CACNA1A: variants seen among roughly 807,000 people sequenced by gnomAD.
CACNA1A encodes voltage-dependent P/Q-type calcium channel subunit alpha-1A.
In CACNA1A, 57 loss-of-function variants were observed where a neutral mutation model predicts 262.4. That is an observed-to-expected ratio of 0.22 (90% CI 0.18 to 0.27). CACNA1A has a LOEUF of 0.27. Ranked by LOEUF, CACNA1A falls within the 10% of genes least tolerant of loss-of-function variation. The pLI, the probability that CACNA1A is intolerant of heterozygous loss-of-function variation, is 1.00. For missense variants in CACNA1A, 2,526 were observed against 3,562.8 expected, an observed-to-expected ratio of 0.71 and a Z score of 7.41; for synonymous variants, 1,431 against 1,419.3, an observed-to-expected ratio of 1.01 and a Z score of -0.18.
intron 6 of CACNA1A, among the ~76,000 whole-genome samples, chr19:13,337,990 C>T (rs988333154): frequency 5.3e-5 from 8 of 152,112 alleles, no homozygotes; most frequent in East Asian, 1.9e-4. Context: ...GAGGCCGAGG[C>T]GGGCAGATCA....
At chr19:13,252,231 T>TA (rs1348580900) in intron 30 of CACNA1A, among the ~76,000 whole-genome samples, 15 of 151,250 alleles carry the variant, frequency 9.9e-5, no homozygotes, top group African/African-American at 3.2e-4. Flanking sequence ...CCTGGCTAAT[T>TA]AAAAAAAAAT....
At chr19:13,442,126 G>A (rs1454745004) in intron 3 of CACNA1A, among the ~76,000 whole-genome samples, 3 of 152,142 alleles carry the variant, frequency 2.0e-5, no homozygotes, top group African/African-American at 4.8e-5. Context: ...TTGAGTTAGC[G>A]CCGAGTAGAC....
rs753174126 is a variant in CACNA1A, at chr19:13,207,313, T to G, written c.7521A>C (p.Ter2507TyrextTer102). The G allele has an allele frequency of 6.4e-7, 1 of 1,556,142 alleles. No homozygotes were observed. Among genetic ancestry groups the G allele is most frequent in the Non-Finnish European group, 8.6e-7 (1 of 1,158,448 alleles). The change falls in exon 47 of 47, where the codon TAA becomes TAC. Residue 2507 changes from the stop codon to tyrosine (Y), a stop_lost. Transcript: ENST00000360228. This position sits in a 1 kb window ranked among gnomAD's most constrained non-coding sequence, Gnocchi z 5.7. ...CGGGCGGGCGCCACCTCGCCCGGGCTTAGCACCAATCATCGTCACTCTCGC... is the reference window on the plus strand; with the variant it reads ...CGGGCGGGCGCCACCTCGCCCGGGCGTAGCACCAATCATCGTCACTCTCGC... ...PYSESDDDWC* is the reference protein window; with the variant it reads ...PYSESDDDWCY
At chr19:13,230,783 G>C (rs117510907) in intron 35 of CACNA1A, among the ~76,000 whole-genome samples, 3,436 of 151,388 alleles carry the variant, frequency 0.023, 49 homozygotes, top group African/African-American at 0.043. Context: ...CTTTAGCCTG[G>C]GCAACAGAGT....
chr19:13,308,155 G>A lies in CACNA1A; in HGVS notation c.1878C>T (p.Val626=). The A allele has an allele frequency of 6.2e-7, 1 of 1,614,014 alleles. No homozygotes were observed. Among genetic ancestry groups the A allele is most frequent in the Non-Finnish European group, 8.5e-7 (1 of 1,179,896 alleles). The change falls in exon 14 of 47, where the codon GTC becomes GTT. Residue 626 remains valine, a synonymous_variant. Coordinates refer to ENST00000360228, the MANE Select transcript of CACNA1A (RefSeq NM_001127222.2). The surrounding 1 kb of genome is among the most constrained non-coding windows in gnomAD (Gnocchi z 4.2). ...AGAGTTGCATTCCCAAAAGGGCGAA[G>A]ACGACAATGAACAGGAAAAGGAGAA... The part of the protein sequence containing the change: ...LLFLLFLFIV[V]FALLGMQLFG...
intron 3 of CACNA1A, among the ~76,000 whole-genome samples, chr19:13,405,873 G>A (rs148039728): frequency 3.2e-4 from 48 of 152,280 alleles, no homozygotes; most frequent in Middle Eastern, 3.4e-3. Flanking sequence ...AGTTATAGAG[G>A]GACTTGCTGA....
rs906669300 is a variant in CACNA1A at position 13,303,848 on chromosome 19, C to A, written c.2023G>T (p.Asp675Tyr). Residue 675 changes from aspartate (D) to tyrosine (Y), a missense_variant, in exon 16 of 47, where the codon GAC becomes TAC. This residue lies in a region of CACNA1A where 102 missense variants were observed against 278.9 expected (regional missense o/e 0.37). Transcript: ENST00000360228. ...ACGCCCCCCTGAGACTTGATCCCGTCGTACATGACCTCGTTCCAGTCTTCG... is the reference window on the plus strand; with the variant it reads ...ACGCCCCCCTGAGACTTGATCCCGTAGTACATGACCTCGTTCCAGTCTTCG... The part of the protein sequence containing the change: ...TGEDWNEVMY[D>Y]GIKSQGGVQG... The A allele has an allele frequency of 6.2e-7, 1 of 1,613,642 alleles. No individual in the cohort carries two copies.
chr19:13,219,869 G>C (rs2055156809), intron 38 of CACNA1A, among the ~76,000 whole-genome samples: 1 of 150,912 alleles, frequency 6.6e-6, no homozygotes, highest in South Asian at 2.1e-4. Flanking sequence ...AGAATCACTT[G>C]AACCCGGGAG....
At chr19:13,342,870 G>A (rs2058698897) in intron 6 of CACNA1A, among the ~76,000 whole-genome samples, 1 of 152,180 alleles carries the variant, frequency 6.6e-6, no homozygotes, top group South Asian at 2.1e-4. Flanking sequence ...AGGCTTTGGG[G>A]ATGTTTGTTA....
intron 6 of CACNA1A, among the ~76,000 whole-genome samples, chr19:13,348,257 G>C (rs1006567583): frequency 1.3e-5 from 2 of 152,156 alleles, no homozygotes; most frequent in Admixed American, 1.3e-4. Context: ...ATTAAACGCA[G>C]TTTTTCTGCT....
At chr19:13,275,675 A>G (rs915570909) in intron 24 of CACNA1A, 175 bp downstream of exon 24, 14 of 633,784 alleles carry the variant, frequency 2.2e-5, no homozygotes, top group African/African-American at 2.0e-4. Flanking sequence ...TCCTCCATGG[A>G]CATCATGCAA....
chr19:13,323,925 G>T (rs1720837098), intron 10 of CACNA1A, among the ~76,000 whole-genome samples: 1 of 152,040 alleles, frequency 6.6e-6, no homozygotes, highest in Admixed American at 6.6e-5. Context: ...AGTCTTTTCA[G>T]AACATCTGCA....
chr19:13,469,758 T>C (rs187366847), intron 1 of CACNA1A, among the ~76,000 whole-genome samples: 268 of 151,676 alleles, frequency 1.8e-3, no homozygotes, highest in African/African-American at 6.2e-3. Context: ...CGCGCCCGGC[T>C]GAACCACCTC....
intron 31 of CACNA1A, chr19:13,243,984 T>G (rs1052201908): frequency 1.3e-5 from 2 of 152,536 alleles, no homozygotes; most frequent in African/African-American, 2.4e-5. Flanking sequence ...TCCGGTTTAC[T>G]TTGGGCCATG....
intron 1 of CACNA1A, among the ~76,000 whole-genome samples, chr19:13,483,687 A>C (rs1418726546): frequency 1.3e-5 from 2 of 152,210 alleles, no homozygotes; most frequent in Non-Finnish European, 2.9e-5. Flanking sequence ...CAAAAAGTAG[A>C]GCCAAGAAAC....
intron 6 of CACNA1A, among the ~76,000 whole-genome samples, chr19:13,345,072 A>G (rs1315500637): frequency 6.6e-6 from 1 of 152,098 alleles, no homozygotes; most frequent in Non-Finnish European, 1.5e-5. Flanking sequence ...TGGATCATTT[A>G]AATAATAAAC....
chr19:13,208,788 T>C lies in CACNA1A; in HGVS notation c.6748A>G (p.Ser2250Gly). ...TGCGCCATGTGCTCTCGGCCCTCGCTGGGCGAGCGGGACCAGCGCTGGTCC... is the reference window on the plus strand; with the variant it reads ...TGCGCCATGTGCTCTCGGCCCTCGCCGGGCGAGCGGGACCAGCGCTGGTCC... The part of the protein sequence containing the change: ...ARDQRWSRSP[S>G]EGREHMAHRQ... Residue 2250 changes from serine to glycine, a missense_variant, in exon 46 of 47, where the codon AGC (serine) becomes GGC (glycine). This residue lies in a region of CACNA1A where 929 missense variants were observed against 868.1 expected (regional missense o/e 1.07). Transcript: ENST00000360228. 1 of 1,419,096 alleles carries C rather than the reference T, an allele frequency of 7.0e-7. No homozygotes were observed. Among genetic ancestry groups the C allele is most frequent in the Non-Finnish European group, 9.3e-7 (1 of 1,075,114 alleles). The allele number at this position is 1,419,096 out of a possible 1,614,324, so 87.9% of individuals were successfully genotyped here. A position where few individuals can be genotyped will look rare whatever the true frequency, so the allele number is the denominator to read the frequency against.
chr19:13,441,273 C>T (rs78696831), intron 3 of CACNA1A, among the ~76,000 whole-genome samples: 2,116 of 152,248 alleles, frequency 0.014, 51 homozygotes, highest in African/African-American at 0.049. Flanking sequence ...TGCTTCCTTA[C>T]GTGTCTATGT....
intron 6 of CACNA1A, among the ~76,000 whole-genome samples, chr19:13,350,257 A>G (rs775952271): frequency 6.6e-6 from 1 of 152,102 alleles, no homozygotes; most frequent in Non-Finnish European, 1.5e-5. Context: ...TGGGCTGGGT[A>G]ACTGGTTGTG....
Sources: allele counts gnomAD v4.1 joint callset (sites outside exome capture counted in the v4.1 genomes callset), GRCh38; gene constraint gnomAD v4.1.1; regional missense constraint gnomAD v4.1.1; non-coding constraint Gnocchi (gnomAD v3.1); transcripts MANE v1.5; gene names NCBI Gene and HGNC (gene_info 2026-07-23, HGNC 2026-07-21).